SLC5A5: variants seen among roughly 807,000 people sequenced by gnomAD.
SLC5A5 encodes the protein sodium/iodide cotransporter.
A neutral mutation model predicts 68.6 loss-of-function variants in SLC5A5; 56 were observed. That is an observed-to-expected ratio of 0.82 (90% CI 0.66 to 1.02). The LOEUF is 1.02. Among genes scored for constraint, SLC5A5 ranks in the 50% least tolerant of loss-of-function variants. The pLI is 0.00. For missense variants in SLC5A5, 807 were observed against 859.8 expected (o/e 0.94, Z 0.77); for synonymous variants, 398 against 373.0 (o/e 1.07, Z -0.77).
chr19:17,888,073 T>G (rs1599930830), intron 12 of SLC5A5, among the ~76,000 whole-genome samples: 1 of 152,102 alleles, frequency 6.6e-6, no homozygotes, highest in Admixed American at 6.6e-5. Context: ...CCACAGAGGG[T>G]GACGGGCAGC....
chr19:17,879,969 A>G (rs10425420), intron 7 of SLC5A5, among the ~76,000 whole-genome samples: 37,530 of 150,110 alleles, frequency 0.25, 5,096 homozygotes, highest in African/African-American at 0.36. Context: ...GCGCAACCTC[A>G]GCTCACTGCA....
chr19:17,872,241 C>T lies in SLC5A5; in HGVS notation c.-79C>T. The T allele has an allele frequency of 2.2e-6, 1 of 464,100 alleles. No individual in the cohort carries two copies. 28.7% of individuals were successfully genotyped at this position (464,100 alleles called of 1,614,324 possible). A position where few individuals can be genotyped will look rare whatever the true frequency, so the allele number is the denominator to read the frequency against. Reference sequence around the variant, plus strand: ...CCTCCCACCCGCCCTCCCCGTCCTGCCTCCTCGGCCCCTGCCAGCTTCCCC... The same window carrying T: ...CCTCCCACCCGCCCTCCCCGTCCTGTCTCCTCGGCCCCTGCCAGCTTCCCC... On this transcript the variant is annotated 5_prime_UTR_variant, in exon 1 of 15. Coordinates refer to ENST00000222248, the MANE Select transcript of SLC5A5 (RefSeq NM_000453.3).
At chr19:17,874,808 C>T (rs982200982) in intron 4 of SLC5A5, 77 bp downstream of exon 4, 75 of 1,417,270 alleles carry the variant, frequency 5.3e-5, no homozygotes, top group Non-Finnish European at 6.7e-5. Flanking sequence ...CTGGGCTTGC[C>T]CCTTTCTCCT....
At chr19:17,885,565 G>C (rs1245922559) in intron 12 of SLC5A5, among the ~76,000 whole-genome samples, 3 of 151,732 alleles carry the variant, frequency 2.0e-5, no homozygotes, top group African/African-American at 7.3e-5. Context: ...ATTTTTTATA[G>C]AGACGAGTTT....
chr19:17,882,581 T>C (rs1335308403), intron 10 of SLC5A5, among the ~76,000 whole-genome samples: 1 of 150,846 alleles, frequency 6.6e-6, no homozygotes, highest in East Asian at 1.9e-4. Flanking sequence ...AGTGGCATGA[T>C]CTCAGCTCGC....
At chr19:17,887,773 TA>T (rs1483523556) in intron 12 of SLC5A5, among the ~76,000 whole-genome samples, 3 of 151,434 alleles carry the variant, frequency 2.0e-5, no homozygotes, top group Non-Finnish European at 4.4e-5. Context: ...AATTTTTTAT[TA>T]TTTTTTTATT....
chr19:17,878,061 C>T lies in SLC5A5; in HGVS notation c.937C>T (p.Leu313Phe), dbSNP rs138976030. 3 of 1,612,658 alleles carry T rather than the reference C, an allele frequency of 1.9e-6. No individual in the cohort carries two copies. The highest frequency in any genetic ancestry group is 2.7e-5 in the African/African-American group (2 of 75,064). Residue 313 changes from leucine to phenylalanine, a missense_variant, in exon 7 of 15, where the codon CTC becomes TTC. Coordinates refer to ENST00000222248, the MANE Select transcript of SLC5A5 (RefSeq NM_000453.3). ...MFVFYTDCDP[L>F]LLGRISAPDQ... ...TGTGTTCTACACTGACTGCGACCCT[C>T]TCCTCCTGGGGCGCATCTCTGCCCC...
rs546153816 is a variant in SLC5A5, at chr19:17,874,386, G to C, written c.424-108G>C. On this transcript the variant is annotated intron_variant, in intron 2 of 14. Transcript: ENST00000222248. Reference sequence around the variant, plus strand: ...ACCCCGCCTGCACTCTGGAAGACCCGGCCTATCTGCCCCGCCCATATTCTG... The same window carrying C: ...ACCCCGCCTGCACTCTGGAAGACCCCGCCTATCTGCCCCGCCCATATTCTG... The C allele has an allele frequency of 4.6e-5, 47 of 1,012,592 alleles. No homozygotes were observed. The African/African-American group carries it at 6.8e-4, about 15-fold the overall frequency. The allele number at this position is 1,012,592 out of a possible 1,614,324, so 62.7% of individuals were successfully genotyped here.
rs757322322 is a variant in SLC5A5 at position 17,872,591 on chromosome 19, G to A, written c.272G>A (p.Cys91Tyr). ...YRYGLKFLWMCLGQLLNSVLT... is the reference protein window; with the variant it reads ...YRYGLKFLWMYLGQLLNSVLT... ...TATGGCCTCAAGTTCCTCTGGATGTGCCTGGGCCAGCTTCTGAACTCGGTC... is the reference window on the plus strand; with the variant it reads ...TATGGCCTCAAGTTCCTCTGGATGTACCTGGGCCAGCTTCTGAACTCGGTC... Residue 91 changes from cysteine to tyrosine, a missense_variant, in exon 1 of 15, where the codon TGC (cysteine) becomes TAC (tyrosine). Transcript: ENST00000222248. 1 of 1,612,702 alleles carries A rather than the reference G, an allele frequency of 6.2e-7. No individual in the cohort carries two copies. The highest frequency in any genetic ancestry group is 8.5e-7 in the Non-Finnish European group (1 of 1,179,862).
intron 8 of SLC5A5, 106 bp from the exon 9 acceptor site, chr19:17,881,854 G>C: frequency 1.2e-6 from 1 of 810,676 alleles, no homozygotes; most frequent in Admixed American, 2.0e-5. Context: ...TGCAGGACTG[G>C]GTTACCCCCA....
rs548247916 is a variant in SLC5A5 at position 17,872,775 on chromosome 19, C to T, written c.357+99C>T. 2.4e-4 allele frequency: 187 copies of T among 790,028 alleles called. No homozygotes were observed. The African/African-American group carries it at 2.8e-3, about 12-fold the overall frequency. 48.9% of individuals were successfully genotyped at this position (790,028 alleles called of 1,614,324 possible). A position where few individuals can be genotyped will look rare whatever the true frequency, so the allele number is the denominator to read the frequency against. On this transcript the variant is annotated intron_variant, in intron 1 of 14. Coordinates refer to ENST00000222248, the MANE Select transcript of SLC5A5 (RefSeq NM_000453.3). ...GGCTTTGGGCCGCTGTACAGGAGGA[C>T]GCGGATGGCACCTCGGTGCTTTAAC...
At chr19:17,881,703 A>T (rs994048728) in intron 8 of SLC5A5, among the ~76,000 whole-genome samples, 2 of 152,144 alleles carry the variant, frequency 1.3e-5, no homozygotes, top group African/African-American at 4.8e-5. Context: ...CCCTTTTGCA[A>T]ATCTCCCACA....
intron 5 of SLC5A5, 101 bp from the exon 6 acceptor site, chr19:17,877,622 C>T: frequency 6.8e-7 from 1 of 1,477,474 alleles, no homozygotes; most frequent in South Asian, 1.2e-5. Flanking sequence ...AAACCCACTC[C>T]AAATGTCCCC....
chr19:17,874,444 A>C, intron 2 of SLC5A5, 50 bp from the exon 3 acceptor site: 2 of 1,578,286 alleles, frequency 1.3e-6, no homozygotes, highest in Non-Finnish European at 1.7e-6. Flanking sequence ...CCCCATCCCC[A>C]ACTCGCCCAG....
At chr19:17,886,962 C>G (rs1385008971) in intron 12 of SLC5A5, among the ~76,000 whole-genome samples, 1 of 152,106 alleles carries the variant, frequency 6.6e-6, no homozygotes, top group Non-Finnish European at 1.5e-5. Flanking sequence ...GTAGTCCCAG[C>G]TCCTTGGGAG....
In SLC5A5 at chr19:17,881,993, A is replaced by G; in HGVS notation, c.1092A>G (p.Ala364=). ...CCACCAGCATCAATGCTATGGCTGCAGTCACTGTAGAAGACCTCATCAAAC... is the reference window on the plus strand; with the variant it reads ...CCACCAGCATCAATGCTATGGCTGCGGTCACTGTAGAAGACCTCATCAAAC... The part of the protein sequence containing the change: ...TASTSINAMA[A]VTVEDLIKPR... Residue 364 remains alanine (A), a synonymous_variant, in exon 9 of 15, where the codon GCA becomes GCG. Transcript: ENST00000222248. 3 of 1,614,198 alleles carry G rather than the reference A, an allele frequency of 1.9e-6. No homozygotes were observed. The highest frequency in any genetic ancestry group is 2.5e-6 in the Non-Finnish European group (3 of 1,179,996).
chr19:17,880,819 C>A, intron 7 of SLC5A5, 46 bp from the exon 8 acceptor site: 1 of 1,410,230 alleles, frequency 7.1e-7, no homozygotes, highest in South Asian at 1.1e-5. Context: ...ATGCCCCGGT[C>A]CTCGGGGTGC....
chr19:17,888,526 G>A (rs1273954595), intron 13 of SLC5A5, 71 bp downstream of exon 13: 26 of 1,580,866 alleles, frequency 1.6e-5, no homozygotes, highest in Non-Finnish European at 2.2e-5. Flanking sequence ...CCACCCAGCA[G>A]GGAGGGGAGA....
rs369522814 is a variant in SLC5A5 at position 17,883,832 on chromosome 19, C to G, written c.1330-18C>G. 1.5e-3 allele frequency: 2,482 copies of G among 1,603,940 alleles called. 25 individuals carry two copies. In the African/African-American group the frequency reaches 0.027, roughly 18 times the overall value. ...CGGACAGGCCCCTCCCCTTCCCTGACGCCGGCTCTGCCCCCAGGGCGTCCT... is the reference window on the plus strand; with the variant it reads ...CGGACAGGCCCCTCCCCTTCCCTGAGGCCGGCTCTGCCCCCAGGGCGTCCT... On this transcript the variant is annotated intron_variant, in intron 11 of 14. Coordinates refer to ENST00000222248, the MANE Select transcript of SLC5A5 (RefSeq NM_000453.3).
Sources: allele counts gnomAD v4.1 joint callset (sites outside exome capture counted in the v4.1 genomes callset), GRCh38; gene constraint gnomAD v4.1.1; transcripts MANE v1.5; gene names NCBI Gene and HGNC (gene_info 2026-07-23, HGNC 2026-07-21).